The following FAT3 variants were observed in gnomAD, a reference collection of about 807,000 sequenced individuals.
FAT3 encodes FAT atypical cadherin 3.
FAT3 carries 95 observed loss-of-function variants against 310.2 expected under a neutral mutation model. The observed-to-expected ratio is 0.31, with a 90% confidence interval of 0.26 to 0.36. The LOEUF is 0.36. Ranked by LOEUF, FAT3 falls within the 10% of genes least tolerant of loss-of-function variation. FAT3 has a pLI of 1.00. For synonymous variants in FAT3, 2,314 were observed against 2,192.9 expected, an observed-to-expected ratio of 1.06 and a Z score of -1.54; for missense variants, 5,408 against 5,715.6, an observed-to-expected ratio of 0.95 and a Z score of 1.74.
At chr11:92,494,241 C>A (rs528557126) in intron 2 of FAT3, among the ~76,000 whole-genome samples, 1 of 152,062 alleles carries the variant, frequency 6.6e-6, no homozygotes, top group South Asian at 2.1e-4. Context: ...ACCAGGGTCC[C>A]TCCCTCAACA....
At chr11:92,745,122 G>A (rs185978133) in intron 4 of FAT3, among the ~76,000 whole-genome samples, 1 of 152,290 alleles carries the variant, frequency 6.6e-6, no homozygotes, top group East Asian at 1.9e-4. Flanking sequence ...AATCTGCCAA[G>A]ACAAAAGTAA....
Position 92,867,179 on chromosome 11 carries a change from G to T in FAT3, c.12097G>T (p.Gly4033Trp). The T allele has an allele frequency of 1.3e-6, 2 of 1,587,862 alleles. No individual in the cohort carries two copies. Among genetic ancestry groups the T allele is most frequent in the South Asian group, 2.3e-5 (2 of 87,696 alleles). ...CTGCAAGCGCAGCCCGTGCCAGCAC[G>T]GGGGCAGCTGCACTGGCCTGCCATC... is the stretch of plus-strand genomic sequence containing the variant. ...DACKRSPCQH[G>W]GSCTGLPSGG... Residue 4033 changes from glycine (G) to tryptophan (W), a missense_variant, in exon 22 of 28, where the codon GGG becomes TGG. By Grantham distance (184) the Gly-to-Trp change is radical (BLOSUM62 -2). Coordinates refer to ENST00000525166, the MANE Select transcript of FAT3 (RefSeq NM_001367949.2).
At chr11:92,387,732 C>T (rs1208859132) in intron 2 of FAT3, among the ~76,000 whole-genome samples, 1 of 152,028 alleles carries the variant, frequency 6.6e-6, no homozygotes, top group Non-Finnish European at 1.5e-5. Context: ...GCGAGAAGAT[C>T]CTGTATAAGT....
intron 2 of FAT3, among the ~76,000 whole-genome samples, chr11:92,443,527 A>G (rs1300498258): frequency 2.0e-5 from 3 of 152,232 alleles, no homozygotes; most frequent in African/African-American, 7.2e-5. Context: ...AACACCAAAG[A>G]TGAATAACCA....
chr11:92,849,588 C>T (rs1948768468), intron 19 of FAT3, among the ~76,000 whole-genome samples: 1 of 152,214 alleles, frequency 6.6e-6, no homozygotes. Context: ...TGACTGTAAA[C>T]AAATATGTGC....
At chr11:92,261,292 G>A (rs1244259628) in intron 1 of FAT3, among the ~76,000 whole-genome samples, 2 of 152,122 alleles carry the variant, frequency 1.3e-5, no homozygotes, top group Admixed American at 6.6e-5. Context: ...GCTACACCCA[G>A]TTTAAAGATA....
chr11:92,809,901 G>A lies in FAT3; in HGVS notation c.9306G>A (p.Met3102Ile). The change falls in exon 13 of 28, where the codon ATG becomes ATA. Residue 3102 changes from methionine to isoleucine, a missense_variant. Physicochemically the swap from Met to Ile is conservative, Grantham distance 10 (BLOSUM62 1). Transcript: ENST00000525166. ...AGAGGATCCCCGTGTACAGCCTGAT[G>A]GCCAAGGCCACTGACGGGGGTGGCA... is the stretch of plus-strand genomic sequence containing the variant. Reference protein sequence around the residue: ...DRERIPVYSLMAKATDGGGRF... With the variant: ...DRERIPVYSLIAKATDGGGRF... The A allele has an allele frequency of 1.9e-6, 3 of 1,614,032 alleles. No homozygotes were observed. Among genetic ancestry groups the A allele is most frequent in the Non-Finnish European group, 1.7e-6 (2 of 1,179,878 alleles).
chr11:92,863,052 T>C lies in FAT3; in HGVS notation c.11659-3689T>C, dbSNP rs148749251. 8.4e-3 allele frequency among the ~76,000 whole-genome samples: 1,277 copies of C among 152,336 alleles called. 26 individuals are homozygous for C. Among genetic ancestry groups the C allele is most frequent in the African/African-American group, 0.029 (1,210 of 41,578 alleles). On this transcript the variant is annotated intron_variant, in intron 21 of 27. Coordinates refer to ENST00000525166, the MANE Select transcript of FAT3 (RefSeq NM_001367949.2). ...GCATTCATTTACTCATTTAAAATACTTAATGTATACCAAATGGCTATTAAT... is the reference window on the plus strand; with the variant it reads ...GCATTCATTTACTCATTTAAAATACCTAATGTATACCAAATGGCTATTAAT...
chr11:92,480,600 A>G (rs945233144), intron 2 of FAT3, among the ~76,000 whole-genome samples: 1 of 152,312 alleles, frequency 6.6e-6, no homozygotes, highest in South Asian at 2.1e-4. Flanking sequence ...CATTAGTAGC[A>G]AAATGTAATA....
Position 92,891,038 on chromosome 11 carries a change from C to T in FAT3, c.13695C>T (p.Tyr4565=), listed in dbSNP as rs1007828805. ...ATTCCGAAGTAGCCATGAGTGACTA[C>T]GAGAGCGTGGGAGAGCTCAGCCTCG... ...FDDSEVAMSD[Y]ESVGELSLAS... The change falls in exon 28 of 28, where the codon TAC becomes TAT. Residue 4565 remains tyrosine, a synonymous_variant. Transcript: ENST00000525166. 14 of 1,613,682 alleles carry T rather than the reference C, an allele frequency of 8.7e-6. 1 individual carries two copies. Among genetic ancestry groups the T allele is most frequent in the East Asian group, 6.7e-5 (3 of 44,882 alleles).
At chr11:92,478,643 G>A (rs1266147463) in intron 2 of FAT3, among the ~76,000 whole-genome samples, 1 of 151,850 alleles carries the variant, frequency 6.6e-6, no homozygotes, top group Non-Finnish European at 1.5e-5. Flanking sequence ...CTGAGACAGA[G>A]TCTCGCTCTG....
At chr11:92,324,311 C>T (rs986300227) in intron 1 of FAT3, among the ~76,000 whole-genome samples, 5 of 152,278 alleles carry the variant, frequency 3.3e-5, no homozygotes, top group African/African-American at 1.2e-4. Context: ...AACATGCCTT[C>T]CTTACTAAGC....
intron 1 of FAT3, among the ~76,000 whole-genome samples, chr11:92,273,831 ATTC>A (rs772823382): frequency 3.3e-5 from 5 of 152,128 alleles, no homozygotes; most frequent in Non-Finnish European, 5.9e-5. Context: ...TGCTTTAACC[ATTC>A]TTCTTCTGAG....
At chr11:92,875,261 A>G (rs1203082814) in intron 22 of FAT3, among the ~76,000 whole-genome samples, 1 of 94,802 alleles carries the variant, frequency 1.1e-5, no homozygotes, top group Non-Finnish European at 2.4e-5. Flanking sequence ...TCTAAAAGCA[A>G]GACTTCTTCC....
intron 3 of FAT3, among the ~76,000 whole-genome samples, chr11:92,528,999 A>G (rs1381752829): frequency 6.6e-6 from 1 of 152,218 alleles, no homozygotes; most frequent in Non-Finnish European, 1.5e-5. Context: ...TGCCTTAGCA[A>G]TTGCTAGGTA....
chr11:92,875,696 C>G (rs552313344), intron 22 of FAT3, among the ~76,000 whole-genome samples: 26 of 152,292 alleles, frequency 1.7e-4, no homozygotes, highest in African/African-American at 6.0e-4. Context: ...GAATATTTAA[C>G]AGTTACCTCT....
intron 4 of FAT3, among the ~76,000 whole-genome samples, chr11:92,722,402 G>A (rs1281682114): frequency 6.6e-6 from 1 of 152,208 alleles, no homozygotes. Flanking sequence ...GCCCTGGGCA[G>A]CTCTGCCTCT....
intron 3 of FAT3, among the ~76,000 whole-genome samples, chr11:92,562,690 A>C (rs115421161): frequency 3.3e-5 from 5 of 152,328 alleles, no homozygotes; most frequent in Admixed American, 1.3e-4. Context: ...GGGCAGGGGC[A>C]TAAGGGACTC....
chr11:92,477,272 TTC>T lies in FAT3; in HGVS notation c.3293-47360_3293-47359del, dbSNP rs542069153. Among the ~76,000 whole-genome samples, 43 of 152,312 alleles carry T rather than the reference TTC, an allele frequency of 2.8e-4. No homozygotes were observed. The South Asian group carries it at 8.3e-3, about 29-fold the overall frequency. ...AATGTAGATTTCACTATTTTGGAGT[TTC>T]TGGTGTGAAGTGTATTTTTGTCCAC... On this transcript the variant is annotated intron_variant, in intron 2 of 27. Coordinates refer to ENST00000525166, the MANE Select transcript of FAT3 (RefSeq NM_001367949.2).
Sources: allele counts gnomAD v4.1 joint callset (sites outside exome capture counted in the v4.1 genomes callset), GRCh38; gene constraint gnomAD v4.1.1; transcripts MANE v1.5; gene names NCBI Gene and HGNC (gene_info 2026-07-23, HGNC 2026-07-21).